Variants in DVL1 observed in about 807,000 individuals in gnomAD.
DVL1 encodes the protein segment polarity protein dishevelled homolog DVL-1.
In DVL1, 49 loss-of-function variants were observed where a neutral mutation model predicts 65.0. The observed-to-expected ratio is 0.75, with a 90% confidence interval of 0.60 to 0.96. DVL1 has a LOEUF of 0.96. Among genes scored for constraint, DVL1 ranks in the 40% least tolerant of loss-of-function variants. DVL1 has a pLI of 0.00. For synonymous variants in DVL1, 608 were observed against 433.9 expected (o/e 1.40, Z -4.99); for missense variants, 1,197 against 1,045.4 (o/e 1.15, Z -2.00).
At chr1:1,345,528 C>T (rs1332890642) in intron 1 of DVL1, among the ~76,000 whole-genome samples, 1 of 152,188 alleles carries the variant, frequency 6.6e-6, no homozygotes, top group African/African-American at 2.4e-5. Context: ...TCCGCTGAAA[C>T]TCACGGCAGC....
chr1:1,339,505 G>A (rs1557666117), intron 10 of DVL1, 66 bp from the exon 11 acceptor site: 1 of 1,548,094 alleles, frequency 6.5e-7, no homozygotes. Context: ...AGGGTGCAGG[G>A]CACAGAGGAG....
In DVL1 at chr1:1,339,367, C is replaced by T. The variant is rs764290807; in HGVS notation, c.1127G>A (p.Arg376His). ...HTAALTGALP[R>H]YGTSPCSSAV... ...GCTGGAGCAGGGACTCGTACCGTAG[C>T]GGGGCAGGGCTCCTGTCAGTGCCGC... is the stretch of plus-strand genomic sequence containing the variant. The change falls in exon 11 of 15, where the codon CGC becomes CAC. Residue 376 changes from arginine (R) to histidine (H), a missense_variant. Transcript: ENST00000378888. The T allele has an allele frequency of 1.4e-5, 21 of 1,548,634 alleles. No homozygotes were observed. The highest frequency in any genetic ancestry group is 3.6e-5 in the South Asian group (3 of 83,998).
chr1:1,342,395 G>A lies in DVL1; in HGVS notation c.330C>T (p.Gly110=), dbSNP rs747978645. 1.3e-5 allele frequency: 21 copies of A among 1,592,334 alleles called. No homozygotes were observed. The Admixed American group carries it at 1.6e-4, about 12-fold the overall frequency. Reference sequence around the variant, plus strand: ...AGGGGGGCCGGGAGTCCCCGATGCCGCCTGTCCGCTCAAGAGGCGGGGGCA... The same window carrying A: ...AGGGGGGCCGGGAGTCCCCGATGCCACCTGTCCGCTCAAGAGGCGGGGGCA... ...TDLPPPLERT[G]GIGDSRPPSF... is the part of the protein sequence containing the mutation. The change falls in exon 3 of 15, where the codon GGC becomes GGT. Residue 110 remains glycine (G), a synonymous_variant. Coordinates refer to ENST00000378888, the MANE Select transcript of DVL1 (RefSeq NM_001330311.2).
intron 1 of DVL1, among the ~76,000 whole-genome samples, chr1:1,345,727 C>T (rs1459032543): frequency 6.6e-6 from 1 of 152,200 alleles, no homozygotes; most frequent in Non-Finnish European, 1.5e-5. Context: ...AGCCAGCTGC[C>T]CTAGACGTGG....
chr1:1,341,515 GC>G (rs1207321584), intron 5 of DVL1, 151 bp downstream of exon 5: 1 of 1,081,674 alleles, frequency 9.2e-7, no homozygotes, highest in Non-Finnish European at 1.3e-6. Context: ...AAGCACACGT[GC>G]ATCATGTACA....
At chr1:1,340,564 G>A (rs1200946329) in intron 5 of DVL1, 61 bp from the exon 6 acceptor site, 11 of 1,511,870 alleles carry the variant, frequency 7.3e-6, no homozygotes, top group African/African-American at 5.5e-5. Flanking sequence ...GTGGGAACCC[G>A]CTCCCCCAAT....
chr1:1,348,729 G>C (rs1464568466), intron 1 of DVL1, among the ~76,000 whole-genome samples, 167 bp downstream of exon 1: 1 of 151,878 alleles, frequency 6.6e-6, no homozygotes, highest in Non-Finnish European at 1.5e-5. Flanking sequence ...GTGGGCGCGC[G>C]CCGCACACGG....
At chr1:1,338,229 T>TGGGCCC in intron 13 of DVL1, 40 bp downstream of exon 13, 35 of 1,522,180 alleles carry the variant, frequency 2.3e-5, no homozygotes, top group Non-Finnish European at 2.9e-5. Context: ...CCTCCGGCGT[T>TGGGCCC]CCCCTCCCCC....
rs539489261 is a variant in DVL1 at position 1,340,324 on chromosome 1, G to A, written c.700-8C>T. On this transcript the variant is annotated splice_region_variant and splice_polypyrimidine_tract_variant and intron_variant, in intron 6 of 14. Transcript: ENST00000378888. ...GCTGCTGAAGGAGGAGGCCTATGGAGGAGAGGGGGCGTGTGTAAAAGGCAC... is the reference window on the plus strand; with the variant it reads ...GCTGCTGAAGGAGGAGGCCTATGGAAGAGAGGGGGCGTGTGTAAAAGGCAC... The A allele has an allele frequency of 6.8e-6, 11 of 1,613,980 alleles. No individual in the cohort carries two copies. Among genetic ancestry groups the A allele is most frequent in the African/African-American group, 1.3e-5 (1 of 75,042 alleles).
At chr1:1,346,895 G>A (rs919686375) in intron 1 of DVL1, among the ~76,000 whole-genome samples, 2 of 152,214 alleles carry the variant, frequency 1.3e-5, no homozygotes, top group Non-Finnish European at 1.5e-5. Flanking sequence ...CAGGGTCAGT[G>A]TCTAGTTCAG....
intron 8 of DVL1, 49 bp from the exon 9 acceptor site, chr1:1,339,861 C>G (rs1346615435): frequency 6.3e-7 from 1 of 1,596,144 alleles, no homozygotes; most frequent in African/African-American, 1.3e-5. Flanking sequence ...GCAGCTCAGT[C>G]CACCGCCCCC....
At position 1,339,334 on chromosome 1, in the gene DVL1, G is replaced by C. The variant is rs1398232750; in HGVS notation, c.1160C>G (p.Thr387Arg). The change falls in exon 11 of 15, where the codon ACG (threonine) becomes AGG (arginine). Residue 387 changes from threonine to arginine, a missense_variant. Physicochemically the swap from Thr to Arg is moderately conservative, Grantham distance 71. Transcript: ENST00000378888. ...GGTTAGTGAGGAGGAGCTGGTGCGC[G>C]TGACGGCGCTGGAGCAGGGACTCGT... The part of the protein sequence containing the change: ...YGTSPCSSAV[T>R]RTSSSSLTSS... 1.3e-6 allele frequency: 2 copies of C among 1,548,550 alleles called. No homozygotes were observed. The highest frequency in any genetic ancestry group is 1.7e-6 in the Non-Finnish European group (2 of 1,146,890).
At chr1:1,341,196 C>T (rs112882216) in intron 5 of DVL1, among the ~76,000 whole-genome samples, 85 of 150,290 alleles carry the variant, frequency 5.7e-4, no homozygotes, top group African/African-American at 1.8e-3. Context: ...CATCTGCACA[C>T]GCACACCTGC....
intron 2 of DVL1, 47 bp downstream of exon 2, chr1:1,342,642 G>A: frequency 6.2e-7 from 1 of 1,606,538 alleles, no homozygotes; most frequent in Non-Finnish European, 8.5e-7. Context: ...GCCCCACCCT[G>A]GAATGCTCCC....
rs1643600480 is a variant in DVL1 at position 1,337,027 on chromosome 1, G to T, written c.1715-512C>A. 4.0e-6 allele frequency: 4 copies of T among 989,294 alleles called. No individual in the cohort carries two copies. In the African/African-American group the frequency reaches 7.0e-5, roughly 17 times the overall value. 61.3% of individuals were successfully genotyped at this position (989,294 alleles called of 1,614,324 possible). A position where few individuals can be genotyped will look rare whatever the true frequency, so the allele number is the denominator to read the frequency against. On this transcript the variant is annotated intron_variant, in intron 14 of 14. Transcript: ENST00000378888. Reference sequence around the variant, plus strand: ...CGGGACCCTGGCTTACCGGCCCAAGGTCCGCTCCGCTAGTCCTTCAGTCTA... The same window carrying T: ...CGGGACCCTGGCTTACCGGCCCAAGTTCCGCTCCGCTAGTCCTTCAGTCTA...
At chr1:1,337,211 G>T in intron 14 of DVL1, 1 of 472,472 alleles carries the variant, frequency 2.1e-6, no homozygotes. Context: ...ACCCAGCGTG[G>T]CTTCTCTGCG....
chr1:1,338,730 G>A (rs1017960285), intron 11 of DVL1, 77 bp from the exon 12 acceptor site: 4 of 1,537,740 alleles, frequency 2.6e-6, no homozygotes, highest in African/African-American at 1.4e-5. Context: ...CCCCAGGGGA[G>A]CCTCTGGGCA....
intron 1 of DVL1, among the ~76,000 whole-genome samples, chr1:1,348,561 G>T (rs1362609754): frequency 2.6e-5 from 4 of 152,192 alleles, no homozygotes; most frequent in Non-Finnish European, 5.9e-5. Context: ...ACACGCCCCT[G>T]ACCCCAGCCC....
At chr1:1,340,916 C>A (rs1220232960) in intron 5 of DVL1, among the ~76,000 whole-genome samples, 13 of 150,474 alleles carry the variant, frequency 8.6e-5, no homozygotes, top group Non-Finnish European at 1.3e-4. Context: ...AACACACGCA[C>A]ACCTGCACAC....
Sources: gnomAD v4.1 joint callset for allele counts (sites outside exome capture counted in the v4.1 genomes callset) on GRCh38, gnomAD v4.1.1 for gene constraint, MANE v1.5 for transcripts, NCBI Gene and HGNC (gene_info 2026-07-23, HGNC 2026-07-21) for gene names.